Variants in TRPV2 observed in about 807,000 individuals in gnomAD.
The protein encoded by TRPV2 is OTRPC2.
In TRPV2, 58 loss-of-function variants were observed where a neutral mutation model predicts 91.0. The ratio of observed to expected loss-of-function variants is 0.64; its 90% CI spans 0.52 to 0.79. The LOEUF is 0.79. TRPV2 is among the 30% of genes least tolerant of loss of function. The pLI, the probability that TRPV2 is intolerant of heterozygous loss-of-function variation, is 0.00. For missense variants in TRPV2, 807 were observed against 969.6 expected, an observed-to-expected ratio of 0.83 and a Z score of 2.23; for synonymous variants, 417 against 414.8, an observed-to-expected ratio of 1.01 and a Z score of -0.06.
chr17:16,416,745 A>G (rs1446714890), intron 1 of TRPV2: 1 of 152,272 alleles, frequency 6.6e-6, no homozygotes, highest in East Asian at 1.9e-4. Flanking sequence ...GGCTCTGCCA[A>G]CAACTGGCGA....
At chr17:16,434,710 A>G (rs1056506576) in intron 13 of TRPV2, 180 bp from the exon 14 acceptor site, 3 of 549,062 alleles carry the variant, frequency 5.5e-6, no homozygotes, top group East Asian at 3.4e-5. Context: ...GCCTCACAGG[A>G]CAGGGCTCCA....
At chr17:16,419,332 G>A (rs1224506896) in intron 2 of TRPV2, 2 of 471,020 alleles carry the variant, frequency 4.2e-6, no homozygotes, top group Admixed American at 4.7e-5. Flanking sequence ...CGGGGTCTGT[G>A]GGAGAGATTT....
At chr17:16,432,907 G>A (rs1169349909) in intron 12 of TRPV2, among the ~76,000 whole-genome samples, 1 of 151,796 alleles carries the variant, frequency 6.6e-6, no homozygotes, top group Non-Finnish European at 1.5e-5. Context: ...CTGGGTTCAA[G>A]CGATTCTCCT....
Position 16,435,507 on chromosome 17 carries a change from C to T in TRPV2, c.2194+538C>T, listed in dbSNP as rs151122749. 6.4e-4 allele frequency among the ~76,000 whole-genome samples: 97 copies of T among 152,256 alleles called. No homozygotes were observed. The highest frequency in any genetic ancestry group is 1.9e-3 in the African/African-American group (80 of 41,538). ...CCATGTCCGTGGCCTGTGTCCTCTCCGTTCCAGTGTAGTGATGGCCCCTCC... is the reference window on the plus strand; with the variant it reads ...CCATGTCCGTGGCCTGTGTCCTCTCTGTTCCAGTGTAGTGATGGCCCCTCC... On this transcript the variant is annotated intron_variant, in intron 14 of 14. Coordinates refer to ENST00000338560, the MANE Select transcript of TRPV2 (RefSeq NM_016113.5). This position sits in a 1 kb window ranked among gnomAD's most constrained non-coding sequence, Gnocchi z 4.2.
intron 13 of TRPV2, among the ~76,000 whole-genome samples, chr17:16,434,423 G>A (rs1420207652): frequency 1.4e-5 from 2 of 141,502 alleles, no homozygotes; most frequent in South Asian, 2.2e-4. Context: ...AGCTGAGATC[G>A]CACCACTGCA....
intron 10 of TRPV2, among the ~76,000 whole-genome samples, chr17:16,429,795 C>A (rs966943979): frequency 1.5e-5 from 2 of 137,440 alleles, no homozygotes; most frequent in South Asian, 2.3e-4. Context: ...GCCCCTTCCA[C>A]GGGGAGGGAT....
At chr17:16,428,581 G>A in intron 9 of TRPV2, 194 bp downstream of exon 9, 1 of 715,804 alleles carries the variant, frequency 1.4e-6, no homozygotes, top group South Asian at 1.8e-5. Flanking sequence ...CACTGTAGAT[G>A]GTGATAGTGA....
At position 16,422,651 on chromosome 17, in the gene TRPV2, C is replaced by T. The variant is rs567571730; in HGVS notation, c.387C>T (p.Asp129=). ...TGAAGGCTGTGCTGAACCTTAAGGACGGAGTCAATGCCTGCATTCTGCCAC... is the reference window on the plus strand; with the variant it reads ...TGAAGGCTGTGCTGAACCTTAAGGATGGAGTCAATGCCTGCATTCTGCCAC... The part of the protein sequence containing the change: ...CLMKAVLNLK[D]GVNACILPLL... Residue 129 remains aspartate (D), a synonymous_variant, in exon 4 of 15, where the codon GAC becomes GAT. Coordinates refer to ENST00000338560, the MANE Select transcript of TRPV2 (RefSeq NM_016113.5). 10 of 1,614,130 alleles carry T rather than the reference C, an allele frequency of 6.2e-6. No individual in the cohort carries two copies. Among genetic ancestry groups the T allele is most frequent in the Admixed American group, 1.7e-5 (1 of 60,010 alleles).
chr17:16,432,414 C>T (rs1429708994), intron 12 of TRPV2, 114 bp downstream of exon 12: 5 of 879,352 alleles, frequency 5.7e-6, no homozygotes, highest in Non-Finnish European at 5.1e-6. Context: ...GGTTGGGCAG[C>T]TCTACCTTGT....
In TRPV2 at chr17:16,436,929, G is replaced by T; in HGVS notation, c.*40G>T. On this transcript the variant is annotated 3_prime_UTR_variant, in exon 15 of 15. Transcript: ENST00000338560. ...CAGGAGGCCAGAGGACAGAGCAGAG[G>T]ATCTTTCCAACCACATCTGCTGGCT... 1 of 1,532,634 alleles carries T rather than the reference G, an allele frequency of 6.5e-7. No homozygotes were observed. Among genetic ancestry groups the T allele is most frequent in the African/African-American group, 1.4e-5 (1 of 73,194 alleles). 94.9% of individuals were successfully genotyped at this position (1,532,634 alleles called of 1,614,324 possible).
chr17:16,419,367 G>T, intron 2 of TRPV2: 1 of 471,092 alleles, frequency 2.1e-6, no homozygotes, highest in South Asian at 1.5e-5. Flanking sequence ...CTTCTTGGTG[G>T]TGTCTGATAT....
Position 16,420,875 on chromosome 17 carries a change from C to T in TRPV2, c.334+627C>T, listed in dbSNP as rs1031253594. Among the ~76,000 whole-genome samples, 3 of 152,214 alleles carry T rather than the reference C, an allele frequency of 2.0e-5. No homozygotes were observed. In the South Asian group the frequency reaches 6.2e-4, roughly 32 times the overall value. On this transcript the variant is annotated intron_variant, in intron 3 of 14. Transcript: ENST00000338560. ...CAGTGATCCTTCCACCTTGGCCCCC[C>T]AGAGTGCTGGGATTACAGGTGTGAG...
intron 3 of TRPV2, among the ~76,000 whole-genome samples, chr17:16,421,314 C>T (rs2093355448): frequency 6.6e-6 from 1 of 151,756 alleles, no homozygotes; most frequent in African/African-American, 2.4e-5. Flanking sequence ...GGGCTCATGC[C>T]ATTCTCCTGC....
chr17:16,425,149 C>G lies in TRPV2; in HGVS notation c.925-950C>G, dbSNP rs8073662. Among the ~76,000 whole-genome samples, 488 of 151,764 alleles carry G rather than the reference C, an allele frequency of 3.2e-3. 2 individuals are homozygous for G. Among genetic ancestry groups the G allele is most frequent in the African/African-American group, 0.011 (448 of 41,356 alleles). On this transcript the variant is annotated intron_variant, in intron 5 of 14. Coordinates refer to ENST00000338560, the MANE Select transcript of TRPV2 (RefSeq NM_016113.5). ...AAGCGATTCTCTTGCCTCAGCCTCCCGAGTAGCTGGGATTACAGGCATGTG... is the reference window on the plus strand; with the variant it reads ...AAGCGATTCTCTTGCCTCAGCCTCCGGAGTAGCTGGGATTACAGGCATGTG...
chr17:16,426,040 G>A lies in TRPV2; in HGVS notation c.925-59G>A. 1.3e-6 allele frequency: 2 copies of A among 1,592,824 alleles called. No individual in the cohort carries two copies. Among genetic ancestry groups the A allele is most frequent in the South Asian group, 2.2e-5 (2 of 88,906 alleles). On this transcript the variant is annotated intron_variant, in intron 5 of 14. Transcript: ENST00000338560. This position sits in a 1 kb window ranked among gnomAD's most constrained non-coding sequence, Gnocchi z 6.0. The stretch of plus-strand genomic sequence containing the variant: ...TGAGTCCTGGGTGTTTCCCAGCCTT[G>A]GCCCAGGATCAGTGCCAGGAAGGGA...
rs750610854 is a variant in TRPV2 at position 16,433,584 on chromosome 17, C to G, written c.2000C>G (p.Ser667Cys). Reference sequence around the variant, plus strand: ...ATCCTTTGTCCCCAGAAAGCCATCTCTGTCCTGGAGATGGAGAATGGCTAT... The same window carrying G: ...ATCCTTTGTCCCCAGAAAGCCATCTGTGTCCTGGAGATGGAGAATGGCTAT... Reference protein sequence around the residue: ...WSIWKLQKAISVLEMENGYWW... With the variant: ...WSIWKLQKAICVLEMENGYWW... Residue 667 changes from serine to cysteine, a missense_variant, in exon 13 of 15, where the codon TCT (serine) becomes TGT (cysteine). Transcript: ENST00000338560. 7 of 1,614,114 alleles carry G rather than the reference C, an allele frequency of 4.3e-6. No homozygotes were observed. The highest frequency in any genetic ancestry group is 5.9e-6 in the Non-Finnish European group (7 of 1,180,004).
rs775929789 is a variant in TRPV2 at position 16,426,739 on chromosome 17, C to A, written c.1113C>A (p.Val371=). ...CACCCCAGCACCGACACCGAATGGT[C>A]GTTTTGGAGCCCCTGAACAAACTGC... ...HCKSPHRHRM[V]VLEPLNKLLQ... The change falls in exon 7 of 15, where the codon GTC becomes GTA. Residue 371 remains valine, a synonymous_variant. Coordinates refer to ENST00000338560, the MANE Select transcript of TRPV2 (RefSeq NM_016113.5). This position sits in a 1 kb window ranked among gnomAD's most constrained non-coding sequence, Gnocchi z 6.0. 1 of 1,613,774 alleles carries A rather than the reference C, an allele frequency of 6.2e-7. No individual in the cohort carries two copies. The highest frequency in any genetic ancestry group is 8.5e-7 in the Non-Finnish European group (1 of 1,179,864).
intron 9 of TRPV2, 143 bp from the exon 10 acceptor site, chr17:16,428,674 A>G (rs2093396163): frequency 3.3e-6 from 3 of 906,770 alleles, no homozygotes; most frequent in South Asian, 3.3e-5. Context: ...TATTATGCCC[A>G]TTTTACAGTG....
chr17:16,434,987 T>C lies in TRPV2; in HGVS notation c.2194+18T>C. ...TGTCCCTCGTGAGTAGCCTGGTGAC[T>C]AGAGCCTCTGCCCTGGGGTGTGTGT... On this transcript the variant is annotated intron_variant, in intron 14 of 14. Transcript: ENST00000338560. 6.2e-7 allele frequency: 1 copy of C among 1,604,464 alleles called. No individual in the cohort carries two copies. The highest frequency in any genetic ancestry group is 8.5e-7 in the Non-Finnish European group (1 of 1,174,882).
Sources: gnomAD v4.1 joint callset for allele counts (sites outside exome capture counted in the v4.1 genomes callset) on GRCh38, gnomAD v4.1.1 for gene constraint, Gnocchi (gnomAD v3.1) non-coding constraint, MANE v1.5 for transcripts, NCBI Gene and HGNC (gene_info 2026-07-23, HGNC 2026-07-21) for gene names.